The following SLC35F2 variants were observed in gnomAD, a reference collection of about 807,000 sequenced individuals.
The protein encoded by SLC35F2 is queuine/queuosine transporter SLC35F2.
A neutral mutation model predicts 38.1 loss-of-function variants in SLC35F2; 25 were observed. The ratio of observed to expected loss-of-function variants is 0.66; its 90% CI spans 0.48 to 0.92. SLC35F2 has a LOEUF of 0.92. Among genes scored for constraint, SLC35F2 ranks in the 40% least tolerant of loss-of-function variants. The probability of loss-of-function intolerance (pLI) is 0.00; values close to 1 mark genes in which losing one functional copy is unlikely to be tolerated. For missense variants in SLC35F2, 409 were observed against 452.9 expected (o/e 0.90, Z 0.88); for synonymous variants, 173 against 181.7 (o/e 0.95, Z 0.38).
chr11:107,849,866 G>A (rs1402645177), intron 1 of SLC35F2, among the ~76,000 whole-genome samples: 1 of 152,122 alleles, frequency 6.6e-6, no homozygotes, highest in Admixed American at 6.6e-5. Context: ...GCCCAGTGGA[G>A]GGCATGCTGG....
chr11:107,822,142 C>T lies in SLC35F2; in HGVS notation c.111-6177G>A, dbSNP rs558864744. Among the ~76,000 whole-genome samples, 13 of 152,266 alleles carry T rather than the reference C, an allele frequency of 8.5e-5. 1 individual carries two copies. The South Asian group carries it at 2.7e-3, about 32-fold the overall frequency. ...CCTGTAATTCCAGCTACTCGAGAGG[C>T]TGAAGCGGGAGAATCACTTGAACCC... is the stretch of plus-strand genomic sequence containing the variant. On this transcript the variant is annotated intron_variant, in intron 1 of 7. Transcript: ENST00000525815.
intron 1 of SLC35F2, among the ~76,000 whole-genome samples, chr11:107,833,382 G>A (rs955291486): frequency 6.6e-6 from 1 of 152,044 alleles, no homozygotes; most frequent in Non-Finnish European, 1.5e-5. Flanking sequence ...AGCCAGGCGT[G>A]GTCGCACATG....
Position 107,803,709 on chromosome 11 carries a change from C to T in SLC35F2, c.785-554G>A, listed in dbSNP as rs186346867. Among the ~76,000 whole-genome samples the T allele has an allele frequency of 3.0e-3, 452 of 151,840 alleles. 1 individual carries two copies. The highest frequency in any genetic ancestry group is 0.017 in the Middle Eastern group (5 of 294). ...ATCCTTTTTAGGACAGTGCTTGCCA[C>T]GTGGATGTTGACTACATTAGCAGTA... On this transcript the variant is annotated intron_variant, in intron 6 of 7. Transcript: ENST00000525815.
intron 1 of SLC35F2, among the ~76,000 whole-genome samples, chr11:107,820,893 T>A (rs1859659305): frequency 6.6e-6 from 1 of 151,886 alleles, no homozygotes; most frequent in Non-Finnish European, 1.5e-5. Context: ...GAGGCAGAGG[T>A]TTCAGTGAGC....
At chr11:107,850,403 G>A (rs1860160800) in intron 1 of SLC35F2, among the ~76,000 whole-genome samples, 1 of 152,160 alleles carries the variant, frequency 6.6e-6, no homozygotes, top group African/African-American at 2.4e-5. Flanking sequence ...TTGTCCCCGA[G>A]AAGACATTTG....
intron 7 of SLC35F2, among the ~76,000 whole-genome samples, chr11:107,794,087 T>C (rs1327092841): frequency 6.6e-6 from 1 of 150,928 alleles, no homozygotes; most frequent in Non-Finnish European, 1.5e-5. Context: ...TTTTTTCTTT[T>C]TTTTTTTTTT....
chr11:107,815,626 C>G (rs1332332930), intron 2 of SLC35F2, among the ~76,000 whole-genome samples, 164 bp downstream of exon 2: 1 of 151,494 alleles, frequency 6.6e-6, no homozygotes, highest in Non-Finnish European at 1.5e-5. Context: ...TGGACAACTT[C>G]TGTGTTACAA....
intron 7 of SLC35F2, among the ~76,000 whole-genome samples, chr11:107,797,272 TAAG>T (rs34103949): frequency 0.059 from 8,922 of 151,714 alleles, 304 homozygotes; most frequent in East Asian, 0.15. Context: ...AAAGTTCAAA[TAAG>T]GAGATGACAG....
At chr11:107,856,905 A>AGGG (rs1565444694) in intron 1 of SLC35F2, among the ~76,000 whole-genome samples, 8 of 77,728 alleles carry the variant, frequency 1.0e-4, no homozygotes, top group Non-Finnish European at 1.4e-4. Context: ...GGAAGGAAGG[A>AGGG]AGGGAGGGAG....
chr11:107,803,101 G>A lies in SLC35F2; in HGVS notation c.839C>T (p.Pro280Leu). The A allele has an allele frequency of 6.2e-7, 1 of 1,613,928 alleles. No homozygotes were observed. The highest frequency in any genetic ancestry group is 8.5e-7 in the Non-Finnish European group (1 of 1,179,950). Reference sequence around the variant, plus strand: ...GGCACTAGTGACTTTAATCACCAATGGCATGAAGCTGTACAGGCAAAACAT... The same window carrying A: ...GGCACTAGTGACTTTAATCACCAATAGCATGAAGCTGTACAGGCAAAACAT... ...LCMFCLYSFM[P>L]LVIKVTSATS... The change falls in exon 7 of 8, where the codon CCA becomes CTA. Residue 280 changes from proline to leucine, a missense_variant. Transcript: ENST00000525815.
At chr11:107,814,936 G>A (rs2134791496) in intron 2 of SLC35F2, among the ~76,000 whole-genome samples, 1 of 152,288 alleles carries the variant, frequency 6.6e-6, no homozygotes, top group Admixed American at 6.5e-5. Context: ...AAATTAGCCA[G>A]GTGTGGTGGT....
chr11:107,843,844 C>A (rs113536407), intron 1 of SLC35F2, among the ~76,000 whole-genome samples: 667 of 57,862 alleles, frequency 0.012, 14 homozygotes, highest in African/African-American at 0.065. Flanking sequence ...GACTCTGTAT[C>A]TTAAAAAAAA....
At chr11:107,801,749 C>T (rs925491141) in intron 7 of SLC35F2, among the ~76,000 whole-genome samples, 3 of 151,940 alleles carry the variant, frequency 2.0e-5, no homozygotes, top group Non-Finnish European at 4.4e-5. Context: ...GAGACTTTAA[C>T]ATGATGCAAT....
chr11:107,806,551 A>G (rs187194638), intron 4 of SLC35F2, 166 bp downstream of exon 4: 85 of 650,180 alleles, frequency 1.3e-4, no homozygotes, highest in Non-Finnish European at 2.2e-5. Flanking sequence ...CCTCAATTAG[A>G]TTTTATACTA....
At chr11:107,844,712 C>G (rs1269987794) in intron 1 of SLC35F2, among the ~76,000 whole-genome samples, 1 of 151,846 alleles carries the variant, frequency 6.6e-6, no homozygotes, top group African/African-American at 2.4e-5. Context: ...CGGTGGCTCA[C>G]GCCTGTAATC....
chr11:107,815,720 G>C, intron 2 of SLC35F2, 70 bp downstream of exon 2: 4 of 1,501,982 alleles, frequency 2.7e-6, no homozygotes, highest in Non-Finnish European at 3.6e-6. Flanking sequence ...GAATTTAGAG[G>C]TGTCATACTT....
At chr11:107,795,530 T>C (rs1397951679) in intron 7 of SLC35F2, among the ~76,000 whole-genome samples, 2 of 152,132 alleles carry the variant, frequency 1.3e-5, no homozygotes, top group Non-Finnish European at 2.9e-5. Context: ...AGTGAAAAGA[T>C]AACCTCCTGA....
intron 7 of SLC35F2, among the ~76,000 whole-genome samples, chr11:107,797,286 C>CA (rs750819515): frequency 1.9e-4 from 28 of 150,394 alleles, no homozygotes; most frequent in Non-Finnish European, 3.8e-4. Flanking sequence ...GAGATGACAG[C>CA]AAAAAACAGT....
intron 7 of SLC35F2, among the ~76,000 whole-genome samples, chr11:107,799,333 G>A (rs1442752061): frequency 2.0e-5 from 3 of 152,158 alleles, no homozygotes; most frequent in Non-Finnish European, 4.4e-5. Flanking sequence ...AAGTTATGTG[G>A]CCAAAAAATG....
Sources: allele counts gnomAD v4.1 joint callset (sites outside exome capture counted in the v4.1 genomes callset), GRCh38; gene constraint gnomAD v4.1.1; transcripts MANE v1.5; gene names NCBI Gene and HGNC (gene_info 2026-07-23, HGNC 2026-07-21).